The following NEGR1 variants were observed in gnomAD, a reference collection of about 807,000 sequenced individuals.
The protein encoded by NEGR1 is neuronal growth regulator 1, also known as IgLON family member 4.
NEGR1 carries 10 observed loss-of-function variants against 40.9 expected under a neutral mutation model. That is an observed-to-expected ratio of 0.24 (90% CI 0.15 to 0.42). The LOEUF (loss-of-function observed/expected upper bound fraction) is 0.42. Ranked by LOEUF, NEGR1 falls within the 10% of genes least tolerant of loss-of-function variation. The pLI, the probability that NEGR1 is intolerant of heterozygous loss-of-function variation, is 1.00. For missense variants in NEGR1, 352 were observed against 438.9 expected, an observed-to-expected ratio of 0.80 and a Z score of 1.77; for synonymous variants, 185 against 166.8, an observed-to-expected ratio of 1.11 and a Z score of -0.84.
chr1:71,485,331 A>G (rs940889182), intron 6 of NEGR1, among the ~76,000 whole-genome samples: 2 of 151,556 alleles, frequency 1.3e-5, no homozygotes, highest in African/African-American at 4.8e-5. Flanking sequence ...TGAAAGACAT[A>G]GAACTTCCCA....
At chr1:72,164,267 A>G (rs569574865) in intron 1 of NEGR1, among the ~76,000 whole-genome samples, 1 of 152,080 alleles carries the variant, frequency 6.6e-6, no homozygotes, top group South Asian at 2.1e-4. Context: ...TATGTTTAGA[A>G]TGTAACCCAT....
At chr1:71,821,650 GA>G (rs1206813261) in intron 2 of NEGR1, among the ~76,000 whole-genome samples, 1 of 151,802 alleles carries the variant, frequency 6.6e-6, no homozygotes, top group Non-Finnish European at 1.5e-5. Flanking sequence ...TCAGTGATGG[GA>G]AAAAATACCA....
chr1:71,944,652 A>G (rs1646000908), intron 1 of NEGR1, among the ~76,000 whole-genome samples: 1 of 152,230 alleles, frequency 6.6e-6, no homozygotes, highest in Non-Finnish European at 1.5e-5. Context: ...TTACAGTATC[A>G]CCAAATACAG....
chr1:71,888,044 A>C (rs1660777353), intron 2 of NEGR1, among the ~76,000 whole-genome samples: 1 of 151,562 alleles, frequency 6.6e-6, no homozygotes, highest in Admixed American at 6.6e-5. Flanking sequence ...CACCTCTAGA[A>C]TAAAAAGCTC....
intron 1 of NEGR1, among the ~76,000 whole-genome samples, chr1:72,043,777 G>A (rs1646976484): frequency 6.6e-6 from 1 of 151,808 alleles, no homozygotes; most frequent in Admixed American, 6.6e-5. Context: ...GCGGGGAAAA[G>A]CACTTGTAAC....
intron 6 of NEGR1, among the ~76,000 whole-genome samples, chr1:71,522,753 A>ACACACACG (rs1432522531): frequency 6.7e-6 from 1 of 149,422 alleles, no homozygotes; most frequent in African/African-American, 2.5e-5. Context: ...ACACACACAC[A>ACACACACG]CACGCACAAT....
chr1:72,070,597 A>G (rs1028866277), intron 1 of NEGR1, among the ~76,000 whole-genome samples: 2 of 152,058 alleles, frequency 1.3e-5, no homozygotes, highest in African/African-American at 4.8e-5. Flanking sequence ...ACAGTAAAAT[A>G]TAAGGTTTAA....
chr1:71,852,114 C>T (rs1208305877), intron 2 of NEGR1, among the ~76,000 whole-genome samples: 1 of 152,154 alleles, frequency 6.6e-6, no homozygotes, highest in Admixed American at 6.5e-5. Flanking sequence ...GTGATTCTTA[C>T]TTCCATACAT....
intron 6 of NEGR1, among the ~76,000 whole-genome samples, chr1:71,410,235 T>C (rs538477514): frequency 6.6e-6 from 1 of 152,144 alleles, no homozygotes; most frequent in Non-Finnish European, 1.5e-5. Flanking sequence ...TTGCAATTGT[T>C]ACAGGCAGTA....
intron 3 of NEGR1, among the ~76,000 whole-genome samples, chr1:71,717,045 T>A (rs1654302372): frequency 6.6e-6 from 1 of 152,228 alleles, no homozygotes; most frequent in African/African-American, 2.4e-5. Flanking sequence ...TATGTCGTTG[T>A]TTCCAGCTAG....
chr1:71,747,648 C>G (rs1402915540), intron 3 of NEGR1, among the ~76,000 whole-genome samples: 2 of 152,102 alleles, frequency 1.3e-5, no homozygotes, highest in Admixed American at 1.3e-4. Context: ...TGGTCTCAAA[C>G]TCCTGACCTC....
At chr1:71,610,282 T>G (rs1439917776) in intron 5 of NEGR1, among the ~76,000 whole-genome samples, 3 of 152,208 alleles carry the variant, frequency 2.0e-5, no homozygotes, top group Admixed American at 6.5e-5. Flanking sequence ...CTCCCTAGTT[T>G]TGACGCAGAC....
chr1:71,699,036 C>T (rs2637689), intron 3 of NEGR1, among the ~76,000 whole-genome samples: 2,535 of 151,804 alleles, frequency 0.017, 60 homozygotes, highest in African/African-American at 0.058. Context: ...TACCTCCTTG[C>T]ACAGGCCTTG....
chr1:71,975,389 G>T (rs1162357776), intron 1 of NEGR1, among the ~76,000 whole-genome samples: 1 of 152,100 alleles, frequency 6.6e-6, no homozygotes, highest in African/African-American at 2.4e-5. Flanking sequence ...AAAAAATACT[G>T]CAACCTAAAG....
chr1:71,765,839 T>C (rs1211558498), intron 3 of NEGR1, among the ~76,000 whole-genome samples: 2 of 152,150 alleles, frequency 1.3e-5, no homozygotes, highest in African/African-American at 4.8e-5. Context: ...TCAATGACTG[T>C]TTATTAAACA....
chr1:71,872,102 G>T (rs1660295621), intron 2 of NEGR1, among the ~76,000 whole-genome samples: 1 of 152,058 alleles, frequency 6.6e-6, no homozygotes. Flanking sequence ...CATAAAATTG[G>T]TGAACAACTA....
intron 2 of NEGR1, among the ~76,000 whole-genome samples, chr1:71,826,047 C>T (rs950125187): frequency 5.9e-5 from 9 of 151,850 alleles, no homozygotes; most frequent in South Asian, 2.1e-4. Flanking sequence ...GAAGATACGC[C>T]TCTATCGGCT....
In NEGR1 at chr1:71,544,380, C is replaced by T. The variant is rs187961312; in HGVS notation, c.940+48437G>A. ...GGTAATTTTGGTCTAGTCACAAATG[C>T]TTTGAGTTCCACTTTGTCACTGAGA... On this transcript the variant is annotated intron_variant, in intron 6 of 6. Transcript: ENST00000357731. Among the ~76,000 whole-genome samples, 37 of 151,762 alleles carry T rather than the reference C, an allele frequency of 2.4e-4. No homozygotes were observed. The East Asian group carries it at 5.3e-3, about 22-fold the overall frequency.
At chr1:71,846,069 C>T (rs181608536) in intron 2 of NEGR1, among the ~76,000 whole-genome samples, 2 of 151,924 alleles carry the variant, frequency 1.3e-5, no homozygotes, top group East Asian at 3.9e-4. Flanking sequence ...CAGCCAAGAG[C>T]CAGATTTAAA....
Sources: gnomAD v4.1 joint callset for allele counts (sites outside exome capture counted in the v4.1 genomes callset) on GRCh38, gnomAD v4.1.1 for gene constraint, MANE v1.5 for transcripts, NCBI Gene and HGNC (gene_info 2026-07-23, HGNC 2026-07-21) for gene names.